SIRT4: variants seen among roughly 807,000 people sequenced by gnomAD.
SIRT4 encodes NAD-dependent protein lipoamidase sirtuin-4, mitochondrial.
In SIRT4, 23 loss-of-function variants were observed where a neutral mutation model predicts 26.1. The observed-to-expected ratio is 0.88, with a 90% CI of 0.63 to 1.25. The LOEUF (loss-of-function observed/expected upper bound fraction) is 1.25. SIRT4 is among the 50% of genes most tolerant of loss of function. The pLI, the probability that SIRT4 is intolerant of heterozygous loss-of-function variation, is 0.00. For synonymous variants in SIRT4, 155 were observed against 158.4 expected, an observed-to-expected ratio of 0.98 and a Z score of 0.16; for missense variants, 361 against 405.4, an observed-to-expected ratio of 0.89 and a Z score of 0.94.
At chr12:120,299,844 C>T (rs1445534068), upstream of SIRT4, among the ~76,000 whole-genome samples, 1 of 152,080 alleles carries the variant, frequency 6.6e-6, no homozygotes, top group African/African-American at 2.4e-5. Context: ...AAGGCAATGA[C>T]CAGAGTCATT....
At chr12:120,310,583 A>G (rs1872920363) in intron 2 of SIRT4, among the ~76,000 whole-genome samples, 1 of 151,478 alleles carries the variant, frequency 6.6e-6, no homozygotes, top group Non-Finnish European at 1.5e-5. Flanking sequence ...AAAAGGAGAA[A>G]AATGAGGCTG....
rs183348372 is a variant in SIRT4 at position 120,304,121 on chromosome 12, T to C, written c.497+63T>C. On this transcript the variant is annotated intron_variant, in intron 2 of 3. Transcript: ENST00000202967. ...TGTTGTTTTGGGAGAGTAGGGACCTTGGCTGTCTTGATCACCACAGTCTTA... is the reference window on the plus strand; with the variant it reads ...TGTTGTTTTGGGAGAGTAGGGACCTCGGCTGTCTTGATCACCACAGTCTTA... The C allele has an allele frequency of 2.1e-5, 33 of 1,562,422 alleles. 1 individual carries two copies. The Admixed American group carries it at 2.5e-4, about 12-fold the overall frequency.
chr12:120,292,691 C>T, the SIRT4 span, among the ~76,000 whole-genome samples: 4 of 150,514 alleles, frequency 2.7e-5, no homozygotes, highest in South Asian at 6.3e-4. Context: ...GTAGAGATCA[C>T]AAAATCAGCA....
In SIRT4 at chr12:120,312,437, G is replaced by A. The variant is rs755608010; in HGVS notation, c.498-19G>A. ...CTCCCAAGGGCATACTGTTCAGTCAGCGTCTTCCTTGGTTCCAGGGTCCTG... is the reference window on the plus strand; with the variant it reads ...CTCCCAAGGGCATACTGTTCAGTCAACGTCTTCCTTGGTTCCAGGGTCCTG... On this transcript the variant is annotated intron_variant, in intron 2 of 3. Transcript: ENST00000202967. 6.9e-6 allele frequency: 11 copies of A among 1,592,892 alleles called. No individual in the cohort carries two copies. In the African/African-American group the frequency reaches 9.5e-5, roughly 14 times the overall value.
chr12:120,309,704 T>C (rs1337665104), intron 2 of SIRT4, among the ~76,000 whole-genome samples: 1 of 149,074 alleles, frequency 6.7e-6, no homozygotes, highest in Non-Finnish European at 1.5e-5. Flanking sequence ...TGAGCCACTG[T>C]GCCCGCTTTC....
the SIRT4 span, chr12:120,293,252 C>G: frequency 5.3e-5 from 8 of 152,162 alleles, no homozygotes; most frequent in African/African-American, 1.9e-4. Flanking sequence ...TGTTACGCCC[C>G]CTGCTCATCA....
chr12:120,296,516 G>GTTTTTTTTTTTTTT, the SIRT4 span, among the ~76,000 whole-genome samples: 3 of 117,730 alleles, frequency 2.5e-5, no homozygotes, highest in Non-Finnish European at 3.7e-5. Context: ...TTTTTTTTTT[G>GTTTTTTTTTTTTTT]TTTTTTTTTT....
chr12:120,302,033 C>CAAAA (rs34360814), upstream of SIRT4, among the ~76,000 whole-genome samples: 1 of 95,086 alleles, frequency 1.1e-5, no homozygotes, highest in African/African-American at 3.2e-5. Context: ...GGAGTTTTTT[C>CAAAA]AAAAAAAAAA....
upstream of SIRT4, among the ~76,000 whole-genome samples, chr12:120,301,202 G>A (rs554828421): frequency 9.3e-4 from 142 of 152,106 alleles, no homozygotes; most frequent in Non-Finnish European, 1.4e-3. Flanking sequence ...AAAATTAACC[G>A]GGCGTAGTGG....
chr12:120,298,128 G>A (rs1426443918), upstream of SIRT4, among the ~76,000 whole-genome samples: 1 of 148,396 alleles, frequency 6.7e-6, no homozygotes, highest in African/African-American at 2.5e-5. Context: ...CCCGGGAGGC[G>A]GAGGTTGCGG....
intron 2 of SIRT4, among the ~76,000 whole-genome samples, chr12:120,308,073 T>G (rs562590656): frequency 6.6e-6 from 1 of 151,788 alleles, no homozygotes; most frequent in African/African-American, 2.4e-5. Context: ...CCTAGTCTGG[T>G]CTCGAACTCC....
intron 2 of SIRT4, among the ~76,000 whole-genome samples, chr12:120,309,284 A>G (rs969032883): frequency 4.6e-5 from 7 of 152,140 alleles, no homozygotes; most frequent in African/African-American, 1.7e-4. Flanking sequence ...GAATTCTCAT[A>G]TACCATCACC....
At chr12:120,296,932 GA>G in the SIRT4 span, among the ~76,000 whole-genome samples, 1 of 151,834 alleles carries the variant, frequency 6.6e-6, no homozygotes. Flanking sequence ...GGAGTTGTGA[GA>G]AAAACACTAG....
the SIRT4 span, among the ~76,000 whole-genome samples, chr12:120,294,069 T>A: frequency 7.4e-6 from 1 of 134,504 alleles, no homozygotes; most frequent in Non-Finnish European, 1.5e-5. Flanking sequence ...AGTGGCATGA[T>A]CTCGGCTCAT....
chr12:120,312,035 C>T (rs1381250707), intron 2 of SIRT4, among the ~76,000 whole-genome samples: 1 of 152,112 alleles, frequency 6.6e-6, no homozygotes, highest in Non-Finnish European at 1.5e-5. Flanking sequence ...GTAATCCCAG[C>T]ACTTTGGGAG....
chr12:120,308,880 A>G (rs1592900180), intron 2 of SIRT4, among the ~76,000 whole-genome samples: 1 of 152,026 alleles, frequency 6.6e-6, no homozygotes, highest in African/African-American at 2.4e-5. Context: ...CATTAAAACA[A>G]TTTTTTCCGC....
chr12:120,304,982 C>T (rs1404099796), intron 2 of SIRT4, among the ~76,000 whole-genome samples: 2 of 150,786 alleles, frequency 1.3e-5, no homozygotes, highest in Admixed American at 6.6e-5. Context: ...GGTGAAACCC[C>T]GTCTCTACTA....
At chr12:120,311,180 A>G (rs980443963) in intron 2 of SIRT4, among the ~76,000 whole-genome samples, 3 of 146,982 alleles carry the variant, frequency 2.0e-5, no homozygotes, top group African/African-American at 7.5e-5. Context: ...ACATGGAGAA[A>G]CCCCGTCTCT....
upstream of SIRT4, among the ~76,000 whole-genome samples, chr12:120,300,093 T>C (rs1481118141): frequency 6.6e-6 from 1 of 152,072 alleles, no homozygotes; most frequent in Non-Finnish European, 1.5e-5. Context: ...GAGACCAGCC[T>C]GAGCAACATA....
Sources: gnomAD v4.1 joint callset for allele counts (sites outside exome capture counted in the v4.1 genomes callset) on GRCh38, gnomAD v4.1.1 for gene constraint, MANE v1.5 for transcripts, NCBI Gene and HGNC (gene_info 2026-07-23, HGNC 2026-07-21) for gene names.